PIK3CD: variants seen among roughly 807,000 people sequenced by gnomAD.
The protein encoded by PIK3CD is phosphatidylinositol 4,5-bisphosphate 3-kinase catalytic subunit delta isoform.
A neutral mutation model predicts 122.9 loss-of-function variants in PIK3CD; 20 were observed. The ratio of observed to expected loss-of-function variants is 0.16; its 90% CI spans 0.11 to 0.24. PIK3CD has a LOEUF of 0.24. Among genes scored for constraint, PIK3CD ranks in the 10% least tolerant of loss-of-function variants. The probability of loss-of-function intolerance (pLI) is 1.00; values close to 1 mark genes in which losing one functional copy is unlikely to be tolerated. For missense variants in PIK3CD, 787 were observed against 1,406.3 expected, an observed-to-expected ratio of 0.56 and a Z score of 7.04; for synonymous variants, 596 against 593.4, an observed-to-expected ratio of 1.00 and a Z score of -0.06.
the PIK3CD span, among the ~76,000 whole-genome samples, chr1:9,644,374 C>T: frequency 2.6e-5 from 4 of 151,652 alleles, no homozygotes; most frequent in African/African-American, 7.3e-5. Context: ...ATTAGCTGGG[C>T]GTGGTGGTGG....
Position 9,724,209 on chromosome 1 carries a change from T to A in PIK3CD, c.2719-67T>A. 1.2e-6 allele frequency: 2 copies of A among 1,612,866 alleles called. No homozygotes were observed. Among genetic ancestry groups the A allele is most frequent in the Non-Finnish European group, 1.7e-6 (2 of 1,179,434 alleles). On this transcript the variant is annotated intron_variant, in intron 21 of 23. Transcript: ENST00000377346. The surrounding 1 kb of genome is among the most constrained non-coding windows in gnomAD (Gnocchi z 7.3). ...GGGTCCCCCAGCCCTGCTGGCTTCC[T>A]GTCTCCCCTGGATTCTCTCCTGTCT...
intron 2 of PIK3CD, among the ~76,000 whole-genome samples, chr1:9,709,875 G>A (rs543600804): frequency 6.6e-6 from 1 of 152,046 alleles, no homozygotes; most frequent in African/African-American, 2.4e-5. Flanking sequence ...ATGTGGTAAC[G>A]CATGCCTGTA....
intron 1 of PIK3CD, chr1:9,680,591 T>C (rs572127930): frequency 3.1e-4 from 48 of 156,156 alleles, no homozygotes; most frequent in Admixed American, 8.3e-4. Flanking sequence ...GTTCTGGACA[T>C]TTCATATAAA....
the PIK3CD span, among the ~76,000 whole-genome samples, chr1:9,627,974 A>AG: frequency 1.3e-5 from 2 of 152,196 alleles, no homozygotes; most frequent in African/African-American, 4.8e-5. Context: ...CGCAGGAGCC[A>AG]GGGGGTTGAG....
At position 9,715,806 on chromosome 1, in the gene PIK3CD, C is replaced by T. The variant is rs751352831; in HGVS notation, c.370+37C>T. 3 of 1,610,886 alleles carry T rather than the reference C, an allele frequency of 1.9e-6. No homozygotes were observed. Among genetic ancestry groups the T allele is most frequent in the African/African-American group, 1.3e-5 (1 of 74,924 alleles). On this transcript the variant is annotated intron_variant, in intron 4 of 23. Coordinates refer to ENST00000377346, the MANE Select transcript of PIK3CD (RefSeq NM_005026.5). The surrounding 1 kb of genome is among the most constrained non-coding windows in gnomAD (Gnocchi z 4.1). ...GAGTGGGCCGTGTGGCCGGGCTGGC[C>T]CTGCCTGCCCCACCCGCTGACCCAG...
chr1:9,728,480 A>G lies in PIK3CD; in HGVS notation c.*1434A>G, dbSNP rs1650034052. 6.6e-6 allele frequency: 1 copy of G among 152,258 alleles called. No homozygotes were observed. The highest frequency in any genetic ancestry group is 1.5e-5 in the Non-Finnish European group (1 of 68,080). 9.4% of individuals were successfully genotyped at this position (152,258 alleles called of 1,614,324 possible). A position where few individuals can be genotyped will look rare whatever the true frequency, so the allele number is the denominator to read the frequency against. Reference sequence around the variant, plus strand: ...TGCCCGGTGATGCTGTTGATTTCTCAAAGGTCTTCCAAAACTCAACAGAGC... The same window carrying G: ...TGCCCGGTGATGCTGTTGATTTCTCGAAGGTCTTCCAAAACTCAACAGAGC... On this transcript the variant is annotated 3_prime_UTR_variant, in exon 24 of 24. Coordinates refer to ENST00000377346, the MANE Select transcript of PIK3CD (RefSeq NM_005026.5).
At chr1:9,711,784 G>A (rs1647062193) in intron 3 of PIK3CD, among the ~76,000 whole-genome samples, 2 of 152,146 alleles carry the variant, frequency 1.3e-5, no homozygotes, top group African/African-American at 4.8e-5. Flanking sequence ...GTTTCACCAT[G>A]TTGCCCAGGC....
At chr1:9,646,745 G>C (rs567638135), upstream of PIK3CD, among the ~76,000 whole-genome samples, 1 of 152,218 alleles carries the variant, frequency 6.6e-6, no homozygotes, top group Admixed American at 6.5e-5. Context: ...CTGAGGTCAG[G>C]AGTTGGAGAC....
rs1318611093 is a variant in PIK3CD at position 9,726,236 on chromosome 1, C to T, written c.2998-673C>T. On this transcript the variant is annotated intron_variant, in intron 23 of 23. Coordinates refer to ENST00000377346, the MANE Select transcript of PIK3CD (RefSeq NM_005026.5). ...TCAAAAAGAAAAAATTGGCCGGGCA[C>T]GATGGCTCAGGCCTGTAAACCCAGC... Among the ~76,000 whole-genome samples the T allele has an allele frequency of 3.3e-5, 5 of 151,056 alleles. No individual in the cohort carries two copies. The East Asian group carries it at 9.8e-4, about 30-fold the overall frequency.
Position 9,727,213 on chromosome 1 carries a change from A to C in PIK3CD, c.*167A>C. On this transcript the variant is annotated 3_prime_UTR_variant, in exon 24 of 24. Transcript: ENST00000377346. ...TTTATTTATGACTTGAAATAGTTTA[A>C]GGAGCTAAACAGCCATAAACGGAAA... The C allele has an allele frequency of 1.2e-6, 1 of 828,948 alleles. No individual in the cohort carries two copies. Among genetic ancestry groups the C allele is most frequent in the Non-Finnish European group, 2.0e-6 (1 of 512,194 alleles). The allele number at this position is 828,948 out of a possible 1,614,324, so 51.3% of individuals were successfully genotyped here.
Position 9,727,384 on chromosome 1 carries a change from C to G in PIK3CD, c.*338C>G, listed in dbSNP as rs1273184711. The G allele has an allele frequency of 4.6e-6, 2 of 435,368 alleles. No individual in the cohort carries two copies. The highest frequency in any genetic ancestry group is 8.6e-6 in the Non-Finnish European group (2 of 231,796). The allele number at this position is 435,368 out of a possible 1,614,324, so 27.0% of individuals were successfully genotyped here. A position where few individuals can be genotyped will look rare whatever the true frequency, so the allele number is the denominator to read the frequency against. Reference sequence around the variant, plus strand: ...CCGAGGGAACCTTCTTCCCAGGCCTCCCGCCAGACTGCCTGGGTCCTGGCG... The same window carrying G: ...CCGAGGGAACCTTCTTCCCAGGCCTGCCGCCAGACTGCCTGGGTCCTGGCG... On this transcript the variant is annotated 3_prime_UTR_variant, in exon 24 of 24. Coordinates refer to ENST00000377346, the MANE Select transcript of PIK3CD (RefSeq NM_005026.5).
At chr1:9,641,189 C>T in the PIK3CD span, among the ~76,000 whole-genome samples, 2 of 152,178 alleles carry the variant, frequency 1.3e-5, no homozygotes, top group Non-Finnish European at 1.5e-5. Flanking sequence ...CTCCAGAGCC[C>T]AACTGTATCA....
the PIK3CD span, among the ~76,000 whole-genome samples, chr1:9,640,440 C>CGTG: frequency 6.6e-6 from 1 of 151,918 alleles, no homozygotes; most frequent in Non-Finnish European, 1.5e-5. Flanking sequence ...ATTAGCTAGG[C>CGTG]GTGGTGGTGG....
At chr1:9,716,235 C>A in intron 5 of PIK3CD, 157 bp downstream of exon 5, 1 of 828,598 alleles carries the variant, frequency 1.2e-6, no homozygotes. Flanking sequence ...ACTGAACGTC[C>A]CCCCAGGCAA....
chr1:9,671,532 C>A (rs1645328670), intron 1 of PIK3CD, among the ~76,000 whole-genome samples: 1 of 152,162 alleles, frequency 6.6e-6, no homozygotes, highest in Non-Finnish European at 1.5e-5. Context: ...GTCATGAGTT[C>A]TTGAGGTTTG....
Position 9,716,532 on chromosome 1 carries a change from G to C in PIK3CD, c.693G>C (p.Pro231=). The C allele has an allele frequency of 6.2e-7, 1 of 1,609,240 alleles. No individual in the cohort carries two copies. Among genetic ancestry groups the C allele is most frequent in the East Asian group, 2.2e-5 (1 of 44,828 alleles). The change falls in exon 6 of 24, where the codon CCG becomes CCC. Residue 231 remains proline (P), a synonymous_variant. Coordinates refer to ENST00000377346, the MANE Select transcript of PIK3CD (RefSeq NM_005026.5). ...LRKKATVFRQ[P]LVEQPEDYTL... is the part of the protein sequence containing the mutation. ...AGAAGGCCACAGTGTTCCGGCAGCC[G>C]CTGGTGGAGCAGCCGGAAGACTACA... is the stretch of plus-strand genomic sequence containing the variant.
In PIK3CD at chr1:9,727,245, C is replaced by T. The variant is rs1649798572; in HGVS notation, c.*199C>T. ...AAACAGCCATAAACGGAAACGCCTC[C>T]TTCATGCAGCGGCGGTGCTGGGCCC... On this transcript the variant is annotated 3_prime_UTR_variant, in exon 24 of 24. Coordinates refer to ENST00000377346, the MANE Select transcript of PIK3CD (RefSeq NM_005026.5). 2 of 650,822 alleles carry T rather than the reference C, an allele frequency of 3.1e-6. No homozygotes were observed. The highest frequency in any genetic ancestry group is 5.3e-6 in the Non-Finnish European group (2 of 376,240). The allele number at this position is 650,822 out of a possible 1,614,324, so 40.3% of individuals were successfully genotyped here.
intron 1 of PIK3CD, among the ~76,000 whole-genome samples, chr1:9,662,013 C>T (rs1645024101): frequency 6.6e-6 from 1 of 151,494 alleles, no homozygotes; most frequent in East Asian, 1.9e-4. Flanking sequence ...AAAAAGTTAG[C>T]CGGACATGGT....
chr1:9,636,796 C>T, the PIK3CD span, among the ~76,000 whole-genome samples: 1 of 152,230 alleles, frequency 6.6e-6, no homozygotes, highest in Non-Finnish European at 1.5e-5. Context: ...GGGCGAAGCG[C>T]ACAGCTTAGG....
Sources: gnomAD v4.1 joint callset for allele counts (sites outside exome capture counted in the v4.1 genomes callset) on GRCh38, gnomAD v4.1.1 for gene constraint, Gnocchi (gnomAD v3.1) non-coding constraint, MANE v1.5 for transcripts, NCBI Gene and HGNC (gene_info 2026-07-23, HGNC 2026-07-21) for gene names.